Variants in STX2 observed in about 807,000 individuals in gnomAD.
STX2 encodes syntaxin 2.
A neutral mutation model predicts 40.6 loss-of-function variants in STX2; 27 were observed. That is an observed-to-expected ratio of 0.66 (90% CI 0.49 to 0.92). STX2 has a LOEUF of 0.92. Ranked by LOEUF, STX2 falls within the 40% of genes least tolerant of loss-of-function variation. STX2 has a pLI of 0.00. For missense variants in STX2, 328 were observed against 366.1 expected, an observed-to-expected ratio of 0.90 and a Z score of 0.85; for synonymous variants, 123 against 119.1, an observed-to-expected ratio of 1.03 and a Z score of -0.22.
At chr12:130,800,904 G>A (rs1195888808) in intron 8 of STX2, among the ~76,000 whole-genome samples, 1 of 152,182 alleles carries the variant, frequency 6.6e-6, no homozygotes, top group Admixed American at 6.5e-5. Flanking sequence ...GGTTGCCTAT[G>A]GTTGCCTAAA....
Position 130,839,124 on chromosome 12 carries a change from C to T in STX2, c.-25G>A, listed in dbSNP as rs1470751335. The T allele has an allele frequency of 1.2e-4, 147 of 1,257,010 alleles. No individual in the cohort carries two copies. The highest frequency in any genetic ancestry group is 1.4e-4 in the Non-Finnish European group (144 of 1,000,610). 77.9% of individuals were successfully genotyped at this position (1,257,010 alleles called of 1,614,324 possible). A position where few individuals can be genotyped will look rare whatever the true frequency, so the allele number is the denominator to read the frequency against. On this transcript the variant is annotated 5_prime_UTR_variant, in exon 1 of 11. Coordinates refer to ENST00000392373, the MANE Select transcript of STX2 (RefSeq NM_194356.4). Reference sequence around the variant, plus strand: ...TCCCCGCCGGCCGGGCAGCGCGCCCCGCCGCTCAAGCCTGTCCCGAGCTGC... The same window carrying T: ...TCCCCGCCGGCCGGGCAGCGCGCCCTGCCGCTCAAGCCTGTCCCGAGCTGC...
chr12:130,819,189 G>A (rs943546509), intron 3 of STX2, among the ~76,000 whole-genome samples: 1 of 152,194 alleles, frequency 6.6e-6, no homozygotes, highest in African/African-American at 2.4e-5. Flanking sequence ...CGGGTCCTGA[G>A]GTTGACGGGG....
At chr12:130,836,779 TA>T (rs1952767955) in intron 1 of STX2, among the ~76,000 whole-genome samples, 1 of 152,192 alleles carries the variant, frequency 6.6e-6, no homozygotes, top group African/African-American at 2.4e-5. Context: ...TTGAGAGATT[TA>T]AAAATTATTT....
chr12:130,811,345 G>A (rs1156904043), intron 4 of STX2, among the ~76,000 whole-genome samples: 2 of 126,196 alleles, frequency 1.6e-5, no homozygotes, highest in Non-Finnish European at 3.4e-5. Context: ...GTGACAGAGT[G>A]AGACTCTGTC....
intron 4 of STX2, among the ~76,000 whole-genome samples, chr12:130,809,203 G>A (rs534970549): frequency 1.3e-5 from 2 of 151,940 alleles, no homozygotes; most frequent in African/African-American, 4.8e-5. Flanking sequence ...GATACACACA[G>A]ATATATATAC....
intron 8 of STX2, among the ~76,000 whole-genome samples, chr12:130,800,034 G>T (rs1352071664): frequency 6.6e-6 from 1 of 152,054 alleles, no homozygotes; most frequent in East Asian, 1.9e-4. Flanking sequence ...AAACAGATCC[G>T]AAACCAGGCT....
At chr12:130,798,079 C>A (rs983181451) in intron 9 of STX2, among the ~76,000 whole-genome samples, 2 of 152,136 alleles carry the variant, frequency 1.3e-5, no homozygotes, top group African/African-American at 4.8e-5. Flanking sequence ...GAAACCCTCT[C>A]TCTACTGAAA....
At chr12:130,823,318 C>CA (rs149497311) in intron 2 of STX2, among the ~76,000 whole-genome samples, 3,600 of 151,912 alleles carry the variant, frequency 0.024, 149 homozygotes, top group African/African-American at 0.081. Flanking sequence ...CTCTTAAAAA[C>CA]AAAAAAAGGA....
At chr12:130,795,600 T>C (rs1168004329) in intron 10 of STX2, among the ~76,000 whole-genome samples, 2 of 152,036 alleles carry the variant, frequency 1.3e-5, no homozygotes, top group East Asian at 3.9e-4. Context: ...ATTAGCCGAG[T>C]GTGCTGGTGC....
At chr12:130,822,142 C>T (rs1391998271) in intron 2 of STX2, among the ~76,000 whole-genome samples, 6 of 152,168 alleles carry the variant, frequency 3.9e-5, no homozygotes, top group Non-Finnish European at 7.4e-5. Flanking sequence ...AACATGCAGG[C>T]ACAGTGGCTC....
intron 10 of STX2, among the ~76,000 whole-genome samples, chr12:130,795,711 G>C (rs1951008507): frequency 6.6e-6 from 1 of 152,202 alleles, no homozygotes; most frequent in Admixed American, 6.5e-5. Flanking sequence ...CTGCATTCCA[G>C]CCTGGGTGAC....
chr12:130,821,593 G>T, intron 3 of STX2, 96 bp downstream of exon 3: 4 of 1,007,614 alleles, frequency 4.0e-6, no homozygotes, highest in Non-Finnish European at 4.7e-6. Context: ...AAACTCCCCT[G>T]AATCTCCCGT....
intron 1 of STX2, among the ~76,000 whole-genome samples, chr12:130,831,475 G>A (rs1952554295): frequency 6.6e-6 from 1 of 152,112 alleles, no homozygotes; most frequent in African/African-American, 2.4e-5. Flanking sequence ...GACCAGCCTG[G>A]GCAACATGGT....
At chr12:130,812,116 C>T (rs147335214) in intron 4 of STX2, 236 of 241,028 alleles carry the variant, frequency 9.8e-4, no homozygotes, top group Non-Finnish European at 1.7e-3. Flanking sequence ...AAGGGAGAAT[C>T]TCATTTTTAA....
At chr12:130,812,621 T>C (rs1418328916) in intron 4 of STX2, 2 of 265,894 alleles carry the variant, frequency 7.5e-6, no homozygotes, top group Non-Finnish European at 1.4e-5. Flanking sequence ...GCTGCTAAAG[T>C]GGAATGCCAA....
intron 4 of STX2, 53 bp from the exon 5 acceptor site, chr12:130,808,757 C>G: frequency 1.4e-6 from 2 of 1,446,622 alleles, no homozygotes; most frequent in Admixed American, 3.9e-5. Flanking sequence ...GAAAATGTTC[C>G]AAGCCTGACT....
intron 3 of STX2, among the ~76,000 whole-genome samples, chr12:130,814,076 T>C (rs1272591221): frequency 6.6e-6 from 1 of 152,122 alleles, no homozygotes; most frequent in Non-Finnish European, 1.5e-5. Context: ...TAAGTCTTCT[T>C]TCCATGCTCA....
chr12:130,827,267 A>C lies in STX2; in HGVS notation c.31T>G (p.Cys11Gly), dbSNP rs776442544. 4 of 1,612,884 alleles carry C rather than the reference A, an allele frequency of 2.5e-6. No individual in the cohort carries two copies. In the Admixed American group the frequency reaches 6.7e-5, roughly 27 times the overall value. MRDRLPDLTA[C>G]RKNDDGDTVV... ...GTGTCTCCATCATCATTCTTCCTACACTACAATGAAAAATGGAAAATTCAG... is the reference window on the plus strand; with the variant it reads ...GTGTCTCCATCATCATTCTTCCTACCCTACAATGAAAAATGGAAAATTCAG... Residue 11 changes from cysteine (C) to glycine (G), a missense_variant and splice_region_variant, in exon 2 of 11, where the codon TGT (cysteine) becomes GGT (glycine). Cys to Gly is a radical substitution (Grantham distance 159). Coordinates refer to ENST00000392373, the MANE Select transcript of STX2 (RefSeq NM_194356.4).
At chr12:130,815,559 C>T (rs904358652) in intron 3 of STX2, among the ~76,000 whole-genome samples, 2 of 152,202 alleles carry the variant, frequency 1.3e-5, no homozygotes, top group Admixed American at 6.5e-5. Context: ...TCATCTGCAT[C>T]GTTTCAATAT....
Sources: gnomAD v4.1 joint callset for allele counts (sites outside exome capture counted in the v4.1 genomes callset) on GRCh38, gnomAD v4.1.1 for gene constraint, MANE v1.5 for transcripts, NCBI Gene and HGNC (gene_info 2026-07-23, HGNC 2026-07-21) for gene names.